Variants in FGF12 observed in about 807,000 individuals in gnomAD.
FGF12 encodes the protein fibroblast growth factor 12.
In FGF12, 14 loss-of-function variants were observed where a neutral mutation model predicts 23.6. The observed-to-expected ratio is 0.59, with a 90% CI of 0.39 to 0.93. FGF12 has a LOEUF of 0.93. Ranked by LOEUF, FGF12 falls within the 40% of genes least tolerant of loss-of-function variation. The pLI is 0.00. For synonymous variants in FGF12, 62 were observed against 77.3 expected, an observed-to-expected ratio of 0.80 and a Z score of 1.04; for missense variants, 175 against 217.8, an observed-to-expected ratio of 0.80 and a Z score of 1.24.
At chr3:192,215,894 A>C (rs1307249300) in intron 4 of FGF12, among the ~76,000 whole-genome samples, 1 of 152,214 alleles carries the variant, frequency 6.6e-6, no homozygotes, top group Non-Finnish European at 1.5e-5. Context: ...CACAGGAATT[A>C]ATTTTAAGAC....
At chr3:192,648,675 T>C (rs1157826473) in intron 2 of FGF12, among the ~76,000 whole-genome samples, 1 of 152,160 alleles carries the variant, frequency 6.6e-6, no homozygotes, top group African/African-American at 2.4e-5. Context: ...TTCATGATTA[T>C]GCTTTGTGCT....
intron 2 of FGF12, among the ~76,000 whole-genome samples, chr3:192,392,514 T>G (rs1484968216): frequency 2.0e-5 from 3 of 151,628 alleles, no homozygotes; most frequent in Non-Finnish European, 4.4e-5. Context: ...GAGAATCGTT[T>G]GAACTCAGGA....
chr3:192,564,279 G>C (rs1020096996), intron 2 of FGF12, among the ~76,000 whole-genome samples: 2 of 152,084 alleles, frequency 1.3e-5, no homozygotes, highest in African/African-American at 4.8e-5. Flanking sequence ...GAGCAGGCTG[G>C]TCTTGAACTC....
intron 2 of FGF12, among the ~76,000 whole-genome samples, chr3:192,650,837 T>G (rs913318381): frequency 6.6e-6 from 1 of 152,224 alleles, no homozygotes; most frequent in Admixed American, 6.5e-5. Flanking sequence ...TTACATATTC[T>G]GTCCTATCAT....
chr3:192,355,518 C>A (rs1718432017), intron 3 of FGF12, among the ~76,000 whole-genome samples: 1 of 152,074 alleles, frequency 6.6e-6, no homozygotes, highest in Non-Finnish European at 1.5e-5. Context: ...CATAAACACA[C>A]CCAAGGTTGA....
chr3:192,389,085 C>G (rs992203244), intron 2 of FGF12, among the ~76,000 whole-genome samples: 1 of 152,146 alleles, frequency 6.6e-6, no homozygotes, highest in East Asian at 1.9e-4. Flanking sequence ...CATGGCCGGG[C>G]GCGGTGGCTC....
chr3:192,169,078 C>T lies in FGF12; in HGVS notation c.427+1380G>A, dbSNP rs7653844. 3.7e-3 allele frequency among the ~76,000 whole-genome samples: 568 copies of T among 152,248 alleles called. 2 individuals carry two copies. The highest frequency in any genetic ancestry group is 0.013 in the African/African-American group (554 of 41,532). ...AAAATAGGCCAGGCATGGTGGCTCA[C>T]GCTTGTAATCCCAGCACTTTGGGAG... On this transcript the variant is annotated intron_variant, in intron 5 of 5. Coordinates refer to ENST00000445105, the MANE Select transcript of FGF12 (RefSeq NM_004113.6).
At chr3:192,453,054 T>A (rs1722574276) in intron 2 of FGF12, among the ~76,000 whole-genome samples, 1 of 152,192 alleles carries the variant, frequency 6.6e-6, no homozygotes, top group African/African-American at 2.4e-5. Flanking sequence ...GGGACTCCAG[T>A]TGGATCTAGC....
rs1719641096 is a variant in FGF12, at chr3:192,378,087, T to TTTCTTTCTTTCTTTCC, written c.14-17550_14-17549insGGAAAGAAAGAAAGAA. Among the ~76,000 whole-genome samples, 7 of 123,498 alleles carry TTTCTTTCTTTCTTTCC rather than the reference T, an allele frequency of 5.7e-5. 1 individual carries two copies. The highest frequency in any genetic ancestry group is 1.2e-4 in the Non-Finnish European group (7 of 60,560). The allele number at this position is 123,498 out of a possible 152,430, so 81.0% of individuals were successfully genotyped here. ...CTTTCTTTCTTTCTTTCTTTCTTTC[T>TTTCTTTCTTTCTTTCC]TTCTTTCTTCTTTCTTTCCTTCTTT... On this transcript the variant is annotated intron_variant, in intron 2 of 5. Coordinates refer to ENST00000445105, the MANE Select transcript of FGF12 (RefSeq NM_004113.6).
intron 2 of FGF12, among the ~76,000 whole-genome samples, chr3:192,532,477 T>A (rs901137842): frequency 6.6e-6 from 1 of 152,026 alleles, no homozygotes; most frequent in African/African-American, 2.4e-5. Flanking sequence ...TACTTAAGTA[T>A]ATTACTAAGT....
intron 2 of FGF12, among the ~76,000 whole-genome samples, chr3:192,624,003 A>C (rs1234581859): frequency 6.6e-6 from 1 of 152,226 alleles, no homozygotes; most frequent in African/African-American, 2.4e-5. Context: ...AGGTTAATTA[A>C]ATGTGAAAAC....
intron 2 of FGF12, among the ~76,000 whole-genome samples, chr3:192,661,833 T>C (rs543331835): frequency 1.9e-3 from 289 of 152,310 alleles, no homozygotes; most frequent in Non-Finnish European, 3.2e-3. Context: ...GAGCCAGACC[T>C]GGTAAATTCC....
chr3:192,387,280 T>C (rs1436340796), intron 2 of FGF12, among the ~76,000 whole-genome samples: 2 of 152,214 alleles, frequency 1.3e-5, no homozygotes, highest in Non-Finnish European at 2.9e-5. Flanking sequence ...GGCCCTTTTA[T>C]GATTTCACAG....
At chr3:192,457,058 T>C (rs1308426234) in intron 2 of FGF12, among the ~76,000 whole-genome samples, 2 of 152,206 alleles carry the variant, frequency 1.3e-5, no homozygotes, top group East Asian at 3.9e-4. Flanking sequence ...TATCAGGGGT[T>C]TCCGCTTTTG....
At chr3:192,550,335 A>G (rs1490210470) in intron 2 of FGF12, among the ~76,000 whole-genome samples, 2 of 150,080 alleles carry the variant, frequency 1.3e-5, no homozygotes, top group African/African-American at 4.9e-5. Context: ...TTTCCTTCCT[A>G]TATATGTGCA....
At chr3:192,687,814 CT>C (rs1560194816) in intron 2 of FGF12, among the ~76,000 whole-genome samples, 1 of 152,196 alleles carries the variant, frequency 6.6e-6, no homozygotes, top group Non-Finnish European at 1.5e-5. Context: ...AGCCTGACCC[CT>C]GTCCCAACCC....
chr3:192,369,422 A>C (rs796273510), intron 2 of FGF12, among the ~76,000 whole-genome samples: 6 of 152,336 alleles, frequency 3.9e-5, no homozygotes, highest in African/African-American at 1.4e-4. Context: ...CTCACATTTC[A>C]ACAGGAATCG....
chr3:192,145,983 A>G (rs1713677130), intron 5 of FGF12, among the ~76,000 whole-genome samples: 1 of 152,212 alleles, frequency 6.6e-6, no homozygotes, highest in African/African-American at 2.4e-5. Flanking sequence ...GCAAAATACA[A>G]CCATTTACAT....
rs1713367248 is a variant in FGF12, at chr3:192,141,223, A to T, written c.*2786T>A. The T allele has an allele frequency of 1.3e-5, 2 of 151,744 alleles. No individual in the cohort carries two copies. The highest frequency in any genetic ancestry group is 1.5e-5 in the Non-Finnish European group (1 of 67,792). 9.4% of individuals were successfully genotyped at this position (151,744 alleles called of 1,614,324 possible). A position where few individuals can be genotyped will look rare whatever the true frequency, so the allele number is the denominator to read the frequency against. On this transcript the variant is annotated 3_prime_UTR_variant, in exon 6 of 6. Coordinates refer to ENST00000445105, the MANE Select transcript of FGF12 (RefSeq NM_004113.6). ...CCCAGAAATCAGAACAATGAAAATC[A>T]AAGAATTATTATACTTGAAATAAGC... is the stretch of plus-strand genomic sequence containing the variant.
Sources: allele counts gnomAD v4.1 joint callset (sites outside exome capture counted in the v4.1 genomes callset), GRCh38; gene constraint gnomAD v4.1.1; transcripts MANE v1.5; gene names NCBI Gene and HGNC (gene_info 2026-07-23, HGNC 2026-07-21).